The following HECTD4 variants were observed in gnomAD, a reference collection of about 807,000 sequenced individuals.
HECTD4 encodes the protein probable E3 ubiquitin-protein ligase HECTD4.
Under a neutral mutation model 471.5 loss-of-function variants are expected in HECTD4, and 114 were observed. That is an observed-to-expected ratio of 0.24 (90% CI 0.21 to 0.28). The LOEUF (loss-of-function observed/expected upper bound fraction) is 0.28, where lower values mean the gene tolerates loss of function less well. Among genes scored for constraint, HECTD4 ranks in the 10% least tolerant of loss-of-function variants. The pLI is 1.00. For missense variants in HECTD4, 3,866 were observed against 5,651.5 expected, an observed-to-expected ratio of 0.68 and a Z score of 10.13; for synonymous variants, 2,012 against 2,256.0, an observed-to-expected ratio of 0.89 and a Z score of 3.07.
intron 7 of HECTD4, among the ~76,000 whole-genome samples, chr12:112,284,826 G>A (rs1038383986): frequency 6.6e-6 from 1 of 151,900 alleles, no homozygotes; most frequent in Non-Finnish European, 1.5e-5. Context: ...AGCCTGGTTT[G>A]TTTCTTTTTG....
chr12:112,334,516 C>A (rs1264016340), intron 1 of HECTD4, among the ~76,000 whole-genome samples: 1 of 151,646 alleles, frequency 6.6e-6, no homozygotes, highest in African/African-American at 2.4e-5. Flanking sequence ...CATAATCGGC[C>A]AGGCACGGTG....
chr12:112,302,979 T>C (rs79579859), intron 7 of HECTD4, among the ~76,000 whole-genome samples: 1 of 69,340 alleles, frequency 1.4e-5, no homozygotes, highest in South Asian at 4.7e-4. Flanking sequence ...TTGTCTGCTC[T>C]TTTTTTTTTT....
At chr12:112,189,823 G>A (rs1426422085) in intron 60 of HECTD4, among the ~76,000 whole-genome samples, 10 of 151,900 alleles carry the variant, frequency 6.6e-5, no homozygotes, top group Non-Finnish European at 1.5e-5. Flanking sequence ...GCGCAATCTT[G>A]GCTCACTGCA....
intron 7 of HECTD4, among the ~76,000 whole-genome samples, chr12:112,299,136 C>T (rs1056497157): frequency 6.6e-6 from 1 of 152,108 alleles, no homozygotes; most frequent in African/African-American, 2.4e-5. Context: ...CCTCCATGTA[C>T]CCATGATTCA....
At chr12:112,211,967 A>G (rs1334921922) in intron 49 of HECTD4, among the ~76,000 whole-genome samples, 1 of 152,156 alleles carries the variant, frequency 6.6e-6, no homozygotes, top group Non-Finnish European at 1.5e-5. Context: ...GGATAGAGAT[A>G]TGGATGTGGG....
chr12:112,291,727 C>A (rs2034890701), intron 7 of HECTD4, among the ~76,000 whole-genome samples: 1 of 152,060 alleles, frequency 6.6e-6, no homozygotes, highest in South Asian at 2.1e-4. Context: ...AAAAAATCAG[C>A]CAGGCGTGGT....
At position 112,163,536 on chromosome 12, in the gene HECTD4, G is replaced by A; in HGVS notation, c.12897+6C>T. ...TCCCCGCCCAGCCTGGCCCTGGGATGTCTACCTTGAGGAACTCGAGGTTGA... is the reference window on the plus strand; with the variant it reads ...TCCCCGCCCAGCCTGGCCCTGGGATATCTACCTTGAGGAACTCGAGGTTGA... On this transcript the variant is annotated splice_donor_region_variant and intron_variant, in intron 74 of 75. Transcript: ENST00000682272. The surrounding 1 kb of genome is among the most constrained non-coding windows in gnomAD (Gnocchi z 8.2). 6.9e-7 allele frequency: 1 copy of A among 1,459,356 alleles called. No homozygotes were observed. Among genetic ancestry groups the A allele is most frequent in the South Asian group, 1.4e-5 (1 of 69,716 alleles). 90.4% of individuals were successfully genotyped at this position (1,459,356 alleles called of 1,614,324 possible). A position where few individuals can be genotyped will look rare whatever the true frequency, so the allele number is the denominator to read the frequency against.
rs2033327794 is a variant in HECTD4 at position 112,229,717 on chromosome 12, T to C, written c.6500A>G (p.Lys2167Arg). ...TGGTACCTGAACCTCGGATCCTATCTTGATTGTCTCTTTGAAGCCTCCAAG... is the reference window on the plus strand; with the variant it reads ...TGGTACCTGAACCTCGGATCCTATCCTGATTGTCTCTTTGAAGCCTCCAAG... ...CALGGFKETI[K>R]IGSEVQVLGR... Residue 2167 changes from lysine to arginine, a missense_variant, in exon 41 of 76, where the codon AAG becomes AGG. Around this residue, in one of 16 missense-constraint regions of HECTD4, gnomAD observed 617 missense variants for 915.1 expected, o/e 0.67. Coordinates refer to ENST00000682272, the MANE Select transcript of HECTD4 (RefSeq NM_001388303.1). 6.2e-7 allele frequency: 1 copy of C among 1,613,482 alleles called. No homozygotes were observed. Among genetic ancestry groups the C allele is most frequent in the African/African-American group, 1.3e-5 (1 of 74,932 alleles).
In HECTD4 at chr12:112,173,210, A is replaced by G. The variant is rs1445021197; in HGVS notation, c.11595-349T>C. ...TGTCACACAACTTTTTTCTCCTTAG[A>G]GACAAAATCTTGCTCTGTTGCCTGG... On this transcript the variant is annotated intron_variant, in intron 66 of 75. Transcript: ENST00000682272. This position sits in a 1 kb window ranked among gnomAD's most constrained non-coding sequence, Gnocchi z 4.3. Among the ~76,000 whole-genome samples, 1 of 152,020 alleles carries G rather than the reference A, an allele frequency of 6.6e-6. No homozygotes were observed. Among genetic ancestry groups the G allele is most frequent in the Non-Finnish European group, 1.5e-5 (1 of 68,018 alleles).
chr12:112,382,325 CCTGCCGCCGCCGCCG>C lies in HECTD4; in HGVS notation c.-212_-198del. The C allele has an allele frequency of 5.3e-6, 2 of 380,030 alleles. No individual in the cohort carries two copies. The highest frequency in any genetic ancestry group is 4.7e-5 in the South Asian group (1 of 21,300). 23.5% of individuals were successfully genotyped at this position (380,030 alleles called of 1,614,324 possible). On this transcript the variant is annotated 5_prime_UTR_variant, in exon 1 of 76. Transcript: ENST00000682272. ...CGACCCCGGCCCGGGAGACCCCGGC[CCTGCCGCCGCCGCCG>C]CCGCCGCCGCCGCCGCCGCCCTCAG...
Position 112,229,768 on chromosome 12 carries a change from C to A in HECTD4, c.6449G>T (p.Arg2150Leu). ...TGCACACAGTGCGGCAACGGCCTGG[C>A]GTGCAATTCTCTGAAGTTTGGCAAG... is the stretch of plus-strand genomic sequence containing the variant. ...RKLAKLQRIA[R>L]QAVAALCALG... Residue 2150 changes from arginine (R) to leucine (L), a missense_variant, in exon 41 of 76, where the codon CGC (arginine) becomes CTC (leucine). By Grantham distance (102) the Arg-to-Leu change is moderately radical (BLOSUM62 -2). Transcript: ENST00000682272. The A allele has an allele frequency of 6.2e-7, 1 of 1,614,032 alleles. No homozygotes were observed. The highest frequency in any genetic ancestry group is 8.5e-7 in the Non-Finnish European group (1 of 1,179,884).
At chr12:112,301,816 A>G in intron 7 of HECTD4, 1 of 580,922 alleles carries the variant, frequency 1.7e-6, no homozygotes, top group Non-Finnish European at 3.0e-6. Context: ...TTTTTTAAGG[A>G]AAATTTGTAT....
At chr12:112,304,303 G>T (rs942005148) in intron 7 of HECTD4, among the ~76,000 whole-genome samples, 2 of 138,398 alleles carry the variant, frequency 1.4e-5, no homozygotes, top group Admixed American at 8.0e-5. Flanking sequence ...GGAGCACACT[G>T]GTACAATCAG....
chr12:112,208,257 T>G (rs945509651), intron 51 of HECTD4, among the ~76,000 whole-genome samples: 16 of 152,214 alleles, frequency 1.1e-4, no homozygotes, highest in African/African-American at 3.1e-4. Context: ...TGCAAAGCAC[T>G]TCACTTCTCC....
intron 7 of HECTD4, among the ~76,000 whole-genome samples, chr12:112,291,223 G>A (rs960474808): frequency 1.4e-4 from 21 of 151,354 alleles, no homozygotes; most frequent in East Asian, 3.9e-4. Context: ...AGTAATATCC[G>A]CTTACTATCA....
chr12:112,265,350 G>A, intron 15 of HECTD4, 55 bp from the exon 16 acceptor site: 2 of 1,210,868 alleles, frequency 1.7e-6, no homozygotes, highest in South Asian at 3.2e-5. Flanking sequence ...ATTCATAAAA[G>A]GATAAATTTT....
At chr12:112,306,684 G>A (rs962699505) in intron 6 of HECTD4, among the ~76,000 whole-genome samples, 13 of 151,832 alleles carry the variant, frequency 8.6e-5, no homozygotes, top group African/African-American at 2.7e-4. Flanking sequence ...AGTACCTAAC[G>A]GAAAGCCTAA....
At chr12:112,187,903 G>A (rs2137033102) in intron 60 of HECTD4, among the ~76,000 whole-genome samples, 1 of 152,024 alleles carries the variant, frequency 6.6e-6, no homozygotes, top group East Asian at 1.9e-4. Context: ...TGGGATTACA[G>A]GCATGAGCCA....
chr12:112,265,140 A>G, intron 16 of HECTD4, 35 bp downstream of exon 16: 1 of 1,556,506 alleles, frequency 6.4e-7, no homozygotes, highest in Non-Finnish European at 8.7e-7. Context: ...GATGCTTGAT[A>G]TAATTTTGCT....
Sources: allele counts gnomAD v4.1 joint callset (sites outside exome capture counted in the v4.1 genomes callset), GRCh38; gene constraint gnomAD v4.1.1; regional missense constraint gnomAD v4.1.1; non-coding constraint Gnocchi (gnomAD v3.1); transcripts MANE v1.5; gene names NCBI Gene and HGNC (gene_info 2026-07-23, HGNC 2026-07-21).